NEDD4: variants seen among roughly 807,000 people sequenced by gnomAD.
The protein encoded by NEDD4 is NEDD4 E3 ubiquitin protein ligase.
A neutral mutation model predicts 144.9 loss-of-function variants in NEDD4; 99 were observed. That is an observed-to-expected ratio of 0.68 (90% CI 0.58 to 0.81). The LOEUF (loss-of-function observed/expected upper bound fraction) is 0.81, where lower values mean the gene tolerates loss of function less well. NEDD4 is among the 30% of genes least tolerant of loss of function. NEDD4 has a pLI of 0.00. For missense variants in NEDD4, 985 were observed against 1,065.9 expected (o/e 0.92, Z 1.06); for synonymous variants, 318 against 350.6 (o/e 0.91, Z 1.04).
intron 8 of NEDD4, among the ~76,000 whole-genome samples, chr15:55,865,488 A>G (rs898134469): frequency 1.3e-5 from 2 of 152,126 alleles, no homozygotes; most frequent in African/African-American, 2.4e-5. Flanking sequence ...CATGAAAGAG[A>G]AGATCCATAA....
At chr15:55,839,550 G>A (rs1348898532) in intron 21 of NEDD4, among the ~76,000 whole-genome samples, 1 of 152,176 alleles carries the variant, frequency 6.6e-6, no homozygotes, top group Non-Finnish European at 1.5e-5. Context: ...GAATTCATGT[G>A]AACACACATT....
rs115330568 is a variant in NEDD4, at chr15:55,908,023, C to T, written c.291+16623G>A. 3.0e-3 allele frequency among the ~76,000 whole-genome samples: 450 copies of T among 152,258 alleles called. 3 individuals are homozygous for T. The highest frequency in any genetic ancestry group is 0.01 in the African/African-American group (431 of 41,552). ...TTCATTTAAGAGTGCCACTCTTCCA[C>T]GCAAAGGATGAAGCATCACGTAGCT... On this transcript the variant is annotated intron_variant, in intron 5 of 28. Transcript: ENST00000435532.
intron 18 of NEDD4, among the ~76,000 whole-genome samples, chr15:55,842,853 T>C (rs1489533320): frequency 6.6e-6 from 1 of 152,246 alleles, no homozygotes; most frequent in African/African-American, 2.4e-5. Flanking sequence ...CCCTGGAGTC[T>C]ATCTTGCTTC....
rs143804803 is a variant in NEDD4, at chr15:55,843,290, G to A, written c.1609-1127C>T. Among the ~76,000 whole-genome samples the A allele has an allele frequency of 9.2e-5, 14 of 152,328 alleles. No individual in the cohort carries two copies. In the East Asian group the frequency reaches 2.5e-3, roughly 27 times the overall value. ...GGGTACCCTGGAATGGCAGGTTAAC[G>A]TGTTTAACCTCATAACAACACTATG... is the stretch of plus-strand genomic sequence containing the variant. On this transcript the variant is annotated intron_variant, in intron 18 of 28. Transcript: ENST00000435532.
At chr15:55,984,488 T>G (rs959072493) in intron 1 of NEDD4, among the ~76,000 whole-genome samples, 13 of 152,194 alleles carry the variant, frequency 8.5e-5, no homozygotes, top group African/African-American at 2.9e-4. Flanking sequence ...TAAAGGCAGT[T>G]GCTATTTATT....
At chr15:55,903,845 C>CACATATATATAT (rs1162581511) in intron 5 of NEDD4, among the ~76,000 whole-genome samples, 3 of 122,324 alleles carry the variant, frequency 2.5e-5, no homozygotes, top group African/African-American at 9.4e-5. Context: ...AAAAAACACA[C>CACATATATATAT]ATATATATAT....
chr15:55,926,550 T>C (rs1164824529), intron 4 of NEDD4, among the ~76,000 whole-genome samples: 1 of 152,138 alleles, frequency 6.6e-6, no homozygotes, highest in Non-Finnish European at 1.5e-5. Flanking sequence ...GGAGGATCAC[T>C]TGAGCCCAGG....
At chr15:55,862,389 G>T (rs1441636762) in intron 9 of NEDD4, among the ~76,000 whole-genome samples, 4 of 152,092 alleles carry the variant, frequency 2.6e-5, no homozygotes, top group Non-Finnish European at 4.4e-5. Flanking sequence ...AATCACTGAG[G>T]AGACAGAAGT....
chr15:55,850,015 G>A (rs1375675391), intron 14 of NEDD4, among the ~76,000 whole-genome samples: 3 of 151,830 alleles, frequency 2.0e-5, no homozygotes, highest in African/African-American at 4.8e-5. Context: ...GGATGGTCTC[G>A]ATCTCCATCT....
At chr15:55,837,721 G>T in intron 24 of NEDD4, 68 bp downstream of exon 24, 2 of 1,076,654 alleles carry the variant, frequency 1.9e-6, no homozygotes, top group Non-Finnish European at 2.8e-6. Flanking sequence ...ATGTGATGAG[G>T]CCTAATATTT....
intron 5 of NEDD4, among the ~76,000 whole-genome samples, chr15:55,905,738 A>C (rs142192275): frequency 0.024 from 3,667 of 152,192 alleles, 66 homozygotes; most frequent in Non-Finnish European, 0.035. Flanking sequence ...TTTTCTTGTA[A>C]ATTTGTTTGA....
chr15:55,975,177 G>A (rs1295940926), intron 1 of NEDD4, among the ~76,000 whole-genome samples: 1 of 152,000 alleles, frequency 6.6e-6, no homozygotes, highest in Non-Finnish European at 1.5e-5. Flanking sequence ...ACAGGCGTGT[G>A]CCACTGTGCC....
intron 1 of NEDD4, among the ~76,000 whole-genome samples, chr15:55,980,547 A>G (rs879620875): frequency 1.3e-5 from 2 of 152,368 alleles, no homozygotes; most frequent in Non-Finnish European, 2.9e-5. Flanking sequence ...CAGAGGATGT[A>G]AGCCACCAAA....
At chr15:55,895,841 G>T (rs766391594) in intron 5 of NEDD4, among the ~76,000 whole-genome samples, 118 of 152,162 alleles carry the variant, frequency 7.8e-4, no homozygotes, top group Non-Finnish European at 5.4e-4. Context: ...GGATACATTT[G>T]GTTAAACCAA....
At chr15:55,889,355 A>C (rs2035490892) in intron 5 of NEDD4, among the ~76,000 whole-genome samples, 1 of 152,216 alleles carries the variant, frequency 6.6e-6, no homozygotes, top group South Asian at 2.1e-4. Flanking sequence ...TATAAAGAAA[A>C]TACGGTACAT....
In NEDD4 at chr15:55,959,996, C is replaced by G. The variant is rs2037399743; in HGVS notation, c.119+6477G>C. 3.3e-5 allele frequency among the ~76,000 whole-genome samples: 5 copies of G among 152,132 alleles called. No homozygotes were observed. In the South Asian group the frequency reaches 8.3e-4, roughly 25 times the overall value. On this transcript the variant is annotated intron_variant, in intron 2 of 28. Coordinates refer to ENST00000435532, the MANE Select transcript of NEDD4 (RefSeq NM_006154.4). Reference sequence around the variant, plus strand: ...GTCTTAGTCACCCTTAGCACAGTTTCCAGTTCTCTACCTCCTCTCAGCTCC... The same window carrying G: ...GTCTTAGTCACCCTTAGCACAGTTTGCAGTTCTCTACCTCCTCTCAGCTCC...
chr15:55,971,218 G>C (rs1475670736), intron 1 of NEDD4, among the ~76,000 whole-genome samples: 1 of 152,112 alleles, frequency 6.6e-6, no homozygotes, highest in East Asian at 1.9e-4. Context: ...GAATTAGCGA[G>C]CTTGAAGATA....
chr15:55,870,232 T>C (rs1371631222), intron 7 of NEDD4, among the ~76,000 whole-genome samples: 1 of 152,150 alleles, frequency 6.6e-6, no homozygotes, highest in Non-Finnish European at 1.5e-5. Context: ...ATTTGGGGGA[T>C]AGAGAAAGGT....
intron 1 of NEDD4, among the ~76,000 whole-genome samples, chr15:55,986,556 C>T (rs536956952): frequency 2.1e-5 from 3 of 145,580 alleles, no homozygotes; most frequent in Non-Finnish European, 3.0e-5. Flanking sequence ...TGAGAAACAT[C>T]GTAGGATGTA....
Sources: gnomAD v4.1 joint callset for allele counts (sites outside exome capture counted in the v4.1 genomes callset) on GRCh38, gnomAD v4.1.1 for gene constraint, MANE v1.5 for transcripts, NCBI Gene and HGNC (gene_info 2026-07-23, HGNC 2026-07-21) for gene names.